The following NFIA variants were observed in gnomAD, a reference collection of about 807,000 sequenced individuals.
NFIA encodes the protein nuclear factor 1 A-type.
A neutral mutation model predicts 62.8 loss-of-function variants in NFIA; 8 were observed. That is an observed-to-expected ratio of 0.13 (90% CI 0.07 to 0.23). NFIA has a LOEUF of 0.23. Among genes scored for constraint, NFIA ranks in the 10% least tolerant of loss-of-function variants. NFIA has a pLI of 1.00. For synonymous variants in NFIA, 235 were observed against 238.1 expected (o/e 0.99, Z 0.12); for missense variants, 410 against 642.1 (o/e 0.64, Z 3.91).
In NFIA at chr1:61,088,454, A is replaced by G. The variant is rs772577288; in HGVS notation, c.333A>G (p.Lys111=). The G allele has an allele frequency of 1.9e-6, 3 of 1,614,080 alleles. No individual in the cohort carries two copies. Among genetic ancestry groups the G allele is most frequent in the Non-Finnish European group, 2.5e-6 (3 of 1,180,016 alleles). ...GTGTTCTTTCCAACCCAGACCAGAA[A>G]GGCAAGATGCGAAGAATTGACTGCC... The part of the protein sequence containing the change: ...PCCVLSNPDQ[K]GKMRRIDCLR... The change falls in exon 2 of 11, where the codon AAA becomes AAG. Residue 111 remains lysine (K), a synonymous_variant. Transcript: ENST00000403491. This position sits in a 1 kb window ranked among gnomAD's most constrained non-coding sequence, Gnocchi z 4.5.
intron 4 of NFIA, among the ~76,000 whole-genome samples, chr1:61,341,060 C>CTTTTTT (rs35203949): frequency 1.3e-4 from 14 of 108,792 alleles, no homozygotes; most frequent in African/African-American, 3.6e-4. Flanking sequence ...TACCGGCATT[C>CTTTTTT]TTTTTTTTTT....
chr1:61,161,497 A>G (rs1328024485), intron 2 of NFIA, among the ~76,000 whole-genome samples: 2 of 152,162 alleles, frequency 1.3e-5, no homozygotes, highest in East Asian at 3.9e-4. Context: ...CAGCTGAACA[A>G]TGAAGAAAGA....
At chr1:61,309,570 A>T (rs1012893034) in intron 3 of NFIA, among the ~76,000 whole-genome samples, 1 of 152,062 alleles carries the variant, frequency 6.6e-6, no homozygotes, top group Non-Finnish European at 1.5e-5. Flanking sequence ...TTCAAGGAGT[A>T]AAAGCAAATT....
Position 61,112,059 on chromosome 1 carries a change from T to C in NFIA, c.559+23379T>C, listed in dbSNP as rs550533702. 2.6e-5 allele frequency among the ~76,000 whole-genome samples: 4 copies of C among 152,098 alleles called. 1 individual carries two copies. The South Asian group carries it at 8.3e-4, about 32-fold the overall frequency. On this transcript the variant is annotated intron_variant, in intron 2 of 10. Transcript: ENST00000403491. ...CTAATTAACATCTCATTTGCATAAA[T>C]TGTTGAAGTCAAAACAACAAAGAAT...
intron 2 of NFIA, among the ~76,000 whole-genome samples, chr1:61,179,502 T>C (rs1318293281): frequency 1.3e-5 from 2 of 152,204 alleles, no homozygotes; most frequent in Non-Finnish European, 2.9e-5. Context: ...TAAAAGCGTT[T>C]GTAAATGATA....
At chr1:61,077,887 G>T (rs1646051166), upstream of NFIA, among the ~76,000 whole-genome samples, 1 of 147,042 alleles carries the variant, frequency 6.8e-6, no homozygotes, top group African/African-American at 2.5e-5. Context: ...AAAAATTGCT[G>T]AGCTTGACAG....
chr1:61,352,070 A>G (rs1557725523), intron 4 of NFIA, among the ~76,000 whole-genome samples: 2 of 152,222 alleles, frequency 1.3e-5, no homozygotes, highest in Non-Finnish European at 2.9e-5. Context: ...ATTCCAAAAT[A>G]CAGATGAGTA....
intron 2 of NFIA, among the ~76,000 whole-genome samples, chr1:61,099,215 CT>C (rs1646468003): frequency 6.6e-6 from 1 of 152,090 alleles, no homozygotes; most frequent in Non-Finnish European, 1.5e-5. Flanking sequence ...TTATGCATAG[CT>C]TTTTACTTTA....
chr1:61,212,289 G>A (rs1302034337), intron 2 of NFIA, among the ~76,000 whole-genome samples: 1 of 152,064 alleles, frequency 6.6e-6, no homozygotes, highest in Non-Finnish European at 1.5e-5. Context: ...ACACACTAAA[G>A]CTTATTTTTC....
intron 2 of NFIA, among the ~76,000 whole-genome samples, chr1:61,235,812 C>CAAA (rs199585835): frequency 3.8e-5 from 4 of 106,382 alleles, no homozygotes; most frequent in African/African-American, 1.4e-4. Context: ...GATCCTGTCT[C>CAAA]AAAAAAAAAA....
At chr1:61,176,464 A>G (rs982809474) in intron 2 of NFIA, among the ~76,000 whole-genome samples, 8 of 152,202 alleles carry the variant, frequency 5.3e-5, no homozygotes, top group East Asian at 1.9e-4. Flanking sequence ...AATAAAATCT[A>G]TTTTGGTTTT....
intron 3 of NFIA, among the ~76,000 whole-genome samples, chr1:61,284,983 G>A (rs182280575): frequency 7.2e-5 from 11 of 152,274 alleles, no homozygotes; most frequent in Admixed American, 3.3e-4. Context: ...CTGGAATTGC[G>A]TAAATATATA....
chr1:61,092,888 C>T (rs1431710409), intron 2 of NFIA, among the ~76,000 whole-genome samples: 1 of 151,772 alleles, frequency 6.6e-6, no homozygotes, highest in Non-Finnish European at 1.5e-5. Context: ...GTGTGTGCTT[C>T]GTGTGCATGT....
chr1:61,434,433 A>G lies in NFIA; in HGVS notation c.1512+7877A>G, dbSNP rs146530962. Among the ~76,000 whole-genome samples the G allele has an allele frequency of 4.2e-4, 64 of 152,272 alleles. No homozygotes were observed. The East Asian group carries it at 0.011, about 27-fold the overall frequency. On this transcript the variant is annotated intron_variant, in intron 10 of 10. Transcript: ENST00000403491. ...TAAGTTCTTGACACATTCTCTTCAC[A>G]TACACTTGGCGGCTGACTCACTGAC...
chr1:61,418,375 A>G (rs1666451890), intron 9 of NFIA, among the ~76,000 whole-genome samples: 1 of 152,046 alleles, frequency 6.6e-6, no homozygotes, highest in Non-Finnish European at 1.5e-5. Context: ...CAGGAGGATC[A>G]CTTGAGCCCA....
At chr1:61,305,843 ATTT>A (rs754217285) in intron 3 of NFIA, among the ~76,000 whole-genome samples, 2 of 123,776 alleles carry the variant, frequency 1.6e-5, no homozygotes, top group African/African-American at 3.0e-5. Context: ...TCTTCTTTTG[ATTT>A]TTTTTTTTTT....
chr1:61,326,659 CCCA>C (rs1660954493), intron 3 of NFIA, among the ~76,000 whole-genome samples: 1 of 152,068 alleles, frequency 6.6e-6, no homozygotes, highest in African/African-American at 2.4e-5. Flanking sequence ...TACGGCAGGT[CCCA>C]GGTGAGAAAT....
Position 61,456,401 on chromosome 1 carries a change from T to C in NFIA, c.*1081T>C, listed in dbSNP as rs557182900. 6.6e-6 allele frequency: 1 copy of C among 152,060 alleles called. No individual in the cohort carries two copies. Among genetic ancestry groups the C allele is most frequent in the Non-Finnish European group, 1.5e-5 (1 of 67,920 alleles). 9.4% of individuals were successfully genotyped at this position (152,060 alleles called of 1,614,324 possible). On this transcript the variant is annotated 3_prime_UTR_variant, in exon 11 of 11. Coordinates refer to ENST00000403491, the MANE Select transcript of NFIA (RefSeq NM_001134673.4). ...AAAAAAAAAAACAAAAAAACAAATC[T>C]AATGGTGCTTTTACCACAATATGTT...
chr1:61,142,901 C>T (rs1313696479), intron 2 of NFIA, among the ~76,000 whole-genome samples: 1 of 152,154 alleles, frequency 6.6e-6, no homozygotes, highest in African/African-American at 2.4e-5. Context: ...ACAGTGCAGC[C>T]TCTCTTCTGA....
Sources: gnomAD v4.1 joint callset for allele counts (sites outside exome capture counted in the v4.1 genomes callset) on GRCh38, gnomAD v4.1.1 for gene constraint, Gnocchi (gnomAD v3.1) non-coding constraint, MANE v1.5 for transcripts, NCBI Gene and HGNC (gene_info 2026-07-23, HGNC 2026-07-21) for gene names.